Variants in NUP42 observed in about 807,000 individuals in gnomAD.
NUP42 encodes nucleoporin 42, also known as nucleoporin NUP42.
In NUP42, 47 loss-of-function variants were observed where a neutral mutation model predicts 35.9. The observed-to-expected ratio is 1.31, with a 90% CI of 1.04 to 1.67. NUP42 has a LOEUF of 1.67. Among genes scored for constraint, NUP42 ranks in the 40% most tolerant of loss-of-function variants. NUP42 has a pLI of 0.00. For synonymous variants in NUP42, 173 were observed against 173.3 expected (o/e 1.00, Z 0.01); for missense variants, 514 against 492.2 (o/e 1.04, Z -0.42).
At chr7:23,198,064 T>C (rs1487081164) in intron 5 of NUP42, among the ~76,000 whole-genome samples, 1 of 151,844 alleles carries the variant, frequency 6.6e-6, no homozygotes, top group African/African-American at 2.4e-5. Flanking sequence ...CTGACCAACA[T>C]GGTGAAACCC....
intron 4 of NUP42, 144 bp from the exon 5 acceptor site, chr7:23,196,536 A>G: frequency 1.7e-6 from 1 of 603,908 alleles, no homozygotes; most frequent in Non-Finnish European, 2.9e-6. Context: ...AGGCCAAGTC[A>G]ATGCAAATTT....
rs769831902 is a variant in NUP42, at chr7:23,189,929, A to AAT, written c.445+2783_445+2784insAT. On this transcript the variant is annotated intron_variant, in intron 3 of 6. Coordinates refer to ENST00000258742, the MANE Select transcript of NUP42 (RefSeq NM_007342.3). Reference sequence around the variant, plus strand: ...CTCTGTCTCAAAAAAAAAAAAAAAAATTTTTTTGATGTTGTATAATAACGT... The same window carrying AAT: ...CTCTGTCTCAAAAAAAAAAAAAAAAAATTTTTTTTGATGTTGTATAATAACGT... Among the ~76,000 whole-genome samples, 248 of 150,560 alleles carry AAT rather than the reference A, an allele frequency of 1.6e-3. 1 individual carries two copies. Among genetic ancestry groups the AAT allele is most frequent in the African/African-American group, 5.1e-3 (206 of 40,694 alleles).
At chr7:23,188,660 GTATT>G in intron 3 of NUP42, 2 of 493,478 alleles carry the variant, frequency 4.1e-6, no homozygotes, top group Non-Finnish European at 5.3e-6. Flanking sequence ...ACTAAAAAAA[GTATT>G]TATTGTATAT....
intron 5 of NUP42, among the ~76,000 whole-genome samples, chr7:23,199,248 C>G (rs560289423): frequency 6.6e-6 from 1 of 152,048 alleles, no homozygotes; most frequent in Non-Finnish European, 1.5e-5. Context: ...ATGGGGGTCT[C>G]GCTGTGTTGC....
In NUP42 at chr7:23,200,409, A is replaced by G; in HGVS notation, c.936A>G (p.Gly312=). The change falls in exon 7 of 7, where the codon GGA becomes GGG. Residue 312 remains glycine, a synonymous_variant. Coordinates refer to ENST00000258742, the MANE Select transcript of NUP42 (RefSeq NM_007342.3). ...SFKSPAASSF[G]SPGFSGLPAS... ...AAAGCCCTGCAGCTTCCAGTTTTGGATCACCTGGATTTTCAGGACTTCCAG... is the reference window on the plus strand; with the variant it reads ...AAAGCCCTGCAGCTTCCAGTTTTGGGTCACCTGGATTTTCAGGACTTCCAG... 6.8e-6 allele frequency: 11 copies of G among 1,614,108 alleles called. No individual in the cohort carries two copies. Among genetic ancestry groups the G allele is most frequent in the Non-Finnish European group, 9.3e-6 (11 of 1,180,026 alleles).
Position 23,185,239 on chromosome 7 carries a change from G to T in NUP42, c.291G>T (p.Leu97Phe). The change falls in exon 2 of 7, where the codon TTG becomes TTT. Residue 97 changes from leucine to phenylalanine, a missense_variant. Physicochemically the swap from Leu to Phe is conservative, Grantham distance 22. Coordinates refer to ENST00000258742, the MANE Select transcript of NUP42 (RefSeq NM_007342.3). ...CTAACAGGAAGGAAGGCTTTGGATTGTCTGAGAACCCATTTGCTTCACTTA... is the reference window on the plus strand; with the variant it reads ...CTAACAGGAAGGAAGGCTTTGGATTTTCTGAGAACCCATTTGCTTCACTTA... Reference protein sequence around the residue: ...ASTNRKEGFGLSENPFASLSP... With the variant: ...ASTNRKEGFGFSENPFASLSP... 6.2e-7 allele frequency: 1 copy of T among 1,614,122 alleles called. No homozygotes were observed. Among genetic ancestry groups the T allele is most frequent in the Non-Finnish European group, 8.5e-7 (1 of 1,180,032 alleles).
At chr7:23,182,780 G>A (rs1350231074) in intron 1 of NUP42, among the ~76,000 whole-genome samples, 2 of 149,646 alleles carry the variant, frequency 1.3e-5, no homozygotes, top group African/African-American at 2.5e-5. Context: ...CGGGCGTGGT[G>A]GCGCGCGCCT....
intron 5 of NUP42, chr7:23,197,175 A>T (rs1485469295): frequency 7.7e-7 from 1 of 1,294,418 alleles, no homozygotes; most frequent in African/African-American, 1.5e-5. Flanking sequence ...TTAAACAGAA[A>T]TGCCTTTGGA....
In NUP42 at chr7:23,187,466, T is replaced by C. The variant is rs181505915; in HGVS notation, c.445+320T>C. On this transcript the variant is annotated intron_variant, in intron 3 of 6. Transcript: ENST00000258742. ...TTGTGAATAGAAGAGTCATCCTGCC[T>C]GTCATTAAGGCCTTGGCTGCCTGGT... is the stretch of plus-strand genomic sequence containing the variant. The C allele has an allele frequency of 7.7e-5, 15 of 194,364 alleles. No individual in the cohort carries two copies. The East Asian group carries it at 2.0e-3, about 26-fold the overall frequency. 12.0% of individuals were successfully genotyped at this position (194,364 alleles called of 1,614,324 possible). A position where few individuals can be genotyped will look rare whatever the true frequency, so the allele number is the denominator to read the frequency against.
chr7:23,190,800 A>T (rs1361631510), intron 3 of NUP42, among the ~76,000 whole-genome samples: 2 of 152,200 alleles, frequency 1.3e-5, no homozygotes, highest in Non-Finnish European at 2.9e-5. Flanking sequence ...AAAAATAAAA[A>T]TAAAAAATTA....
At position 23,200,369 on chromosome 7, in the gene NUP42, C is replaced by T; in HGVS notation, c.896C>T (p.Ala299Val). 6.2e-7 allele frequency: 1 copy of T among 1,613,858 alleles called. No individual in the cohort carries two copies. Among genetic ancestry groups the T allele is most frequent in the Non-Finnish European group, 8.5e-7 (1 of 1,179,896 alleles). ...GFGKPEVTSA[A>V]SFSFKSPAAS... is the part of the protein sequence containing the mutation. Reference sequence around the variant, plus strand: ...GGGAAGCCTGAAGTCACATCGGCTGCATCATTTTCATTCAAAAGCCCTGCA... The same window carrying T: ...GGGAAGCCTGAAGTCACATCGGCTGTATCATTTTCATTCAAAAGCCCTGCA... Residue 299 changes from alanine to valine, a missense_variant, in exon 7 of 7, where the codon GCA (alanine) becomes GTA (valine). Physicochemically the swap from Ala to Val is moderately conservative, Grantham distance 64 (BLOSUM62 0). Coordinates refer to ENST00000258742, the MANE Select transcript of NUP42 (RefSeq NM_007342.3).
rs145987368 is a variant in NUP42 at position 23,182,192 on chromosome 7, A to C, written c.107A>C (p.Gln36Pro). 3.2e-5 allele frequency: 51 copies of C among 1,605,904 alleles called. No homozygotes were observed. Among genetic ancestry groups the C allele is most frequent in the Non-Finnish European group, 3.8e-5 (45 of 1,174,802 alleles). ...RGAGGGRQQP[Q>P]QQPSGNNRRG... ...GCAGGAGGAGGACGGCAGCAACCGCAGCAGCAGCCTTCAGGTGACTCTCCT... is the reference window on the plus strand; with the variant it reads ...GCAGGAGGAGGACGGCAGCAACCGCCGCAGCAGCCTTCAGGTGACTCTCCT... Residue 36 changes from glutamine to proline, a missense_variant, in exon 1 of 7, where the codon CAG becomes CCG. Coordinates refer to ENST00000258742, the MANE Select transcript of NUP42 (RefSeq NM_007342.3).
intron 1 of NUP42, 104 bp downstream of exon 1, chr7:23,182,310 C>T (rs1785435472): frequency 4.0e-6 from 6 of 1,499,138 alleles, no homozygotes; most frequent in East Asian, 2.5e-5. Context: ...CCAACGTGCC[C>T]GCGTCGCGGC....
intron 1 of NUP42, 118 bp downstream of exon 1, chr7:23,182,324 G>A: frequency 6.7e-7 from 1 of 1,490,222 alleles, no homozygotes; most frequent in Non-Finnish European, 8.9e-7. Context: ...TCGCGGCCTT[G>A]CCGGCCCTAC....
Position 23,191,378 on chromosome 7 carries a change from A to T in NUP42, c.445+4232A>T, listed in dbSNP as rs75302027. Among the ~76,000 whole-genome samples, 174 of 152,320 alleles carry T rather than the reference A, an allele frequency of 1.1e-3. 5 individuals are homozygous for T. The East Asian group carries it at 0.029, about 25-fold the overall frequency. On this transcript the variant is annotated intron_variant, in intron 3 of 6. Transcript: ENST00000258742. ...AAGTTAGAAGACATTGCTGCTTGTG[A>T]CTAGAGTTCATAGCAGTGAAGACAG... is the stretch of plus-strand genomic sequence containing the variant.
chr7:23,193,272 C>T (rs1412774854), intron 3 of NUP42, among the ~76,000 whole-genome samples: 3 of 152,152 alleles, frequency 2.0e-5, no homozygotes, highest in East Asian at 1.9e-4. Context: ...AGCGGGTTGC[C>T]ACTGCTGGCT....
At chr7:23,189,247 G>T (rs960684514) in intron 3 of NUP42, among the ~76,000 whole-genome samples, 1 of 152,208 alleles carries the variant, frequency 6.6e-6, no homozygotes, top group South Asian at 2.1e-4. Flanking sequence ...TGAAATTACG[G>T]AAAACTTTGT....
intron 3 of NUP42, among the ~76,000 whole-genome samples, chr7:23,190,524 G>C (rs1388218541): frequency 6.6e-6 from 1 of 152,130 alleles, no homozygotes; most frequent in East Asian, 1.9e-4. Flanking sequence ...AGTAACCCTT[G>C]TAAACAAACA....
chr7:23,191,304 G>C (rs79714057), intron 3 of NUP42, among the ~76,000 whole-genome samples: 2,739 of 152,302 alleles, frequency 0.018, 76 homozygotes, highest in African/African-American at 0.063. Context: ...CTGTGTGAGG[G>C]GGGAGAAAGG....
Sources: allele counts gnomAD v4.1 joint callset (sites outside exome capture counted in the v4.1 genomes callset), GRCh38; gene constraint gnomAD v4.1.1; transcripts MANE v1.5; gene names NCBI Gene and HGNC (gene_info 2026-07-23, HGNC 2026-07-21).